ZFR: variants seen among roughly 807,000 people sequenced by gnomAD.
The protein encoded by ZFR is zinc finger RNA-binding protein.
Under a neutral mutation model 130.7 loss-of-function variants are expected in ZFR, and 19 were observed. The observed-to-expected ratio is 0.15, with a 90% CI of 0.10 to 0.21. The LOEUF (loss-of-function observed/expected upper bound fraction) is 0.21, where lower values mean the gene tolerates loss of function less well. Ranked by LOEUF, ZFR falls within the 10% of genes least tolerant of loss-of-function variation. ZFR has a pLI of 1.00. For missense variants in ZFR, 872 were observed against 1,321.5 expected, an observed-to-expected ratio of 0.66 and a Z score of 5.27; for synonymous variants, 466 against 456.9, an observed-to-expected ratio of 1.02 and a Z score of -0.25.
chr5:32,393,480 ATT>A (rs1223891525), intron 11 of ZFR, among the ~76,000 whole-genome samples: 1 of 152,102 alleles, frequency 6.6e-6, no homozygotes, highest in Non-Finnish European at 1.5e-5. Flanking sequence ...AGTAGCCGGA[ATT>A]ACAGGCATGC....
At chr5:32,417,538 A>G in intron 4 of ZFR, 110 bp downstream of exon 4, 1 of 1,380,316 alleles carries the variant, frequency 7.2e-7, no homozygotes, top group South Asian at 1.3e-5. Flanking sequence ...CTGCCTCCTA[A>G]GATGATGTGA....
chr5:32,398,659 A>C (rs960651164), intron 9 of ZFR, among the ~76,000 whole-genome samples: 1 of 152,184 alleles, frequency 6.6e-6, no homozygotes, highest in Non-Finnish European at 1.5e-5. Context: ...TAAACAAAGA[A>C]TTCAATACAC....
rs749507971 is a variant in ZFR, at chr5:32,385,637, C to G, written c.2512G>C (p.Glu838Gln). The G allele has an allele frequency of 6.2e-7, 1 of 1,613,074 alleles. No homozygotes were observed. The highest frequency in any genetic ancestry group is 8.5e-7 in the Non-Finnish European group (1 of 1,179,382). The change falls in exon 15 of 20, where the codon GAG (glutamate) becomes CAG (glutamine). Residue 838 changes from glutamate (E) to glutamine (Q), a missense_variant. This residue lies in a region of ZFR where 225 missense variants were observed against 282.4 expected (regional missense o/e 0.80). Coordinates refer to ENST00000265069, the MANE Select transcript of ZFR (RefSeq NM_016107.5). ...ACAGCACATTTTATGTCATACTTCT[C>G]AGGGCTTATAACCTGTGTAATGAAG... ...LPKQLAVISP[E>Q]KYDIKCAVSE...
intron 13 of ZFR, 63 bp downstream of exon 13, chr5:32,388,406 A>T: frequency 6.8e-7 from 1 of 1,470,930 alleles, no homozygotes; most frequent in Non-Finnish European, 9.4e-7. Context: ...CTATATTTCA[A>T]ATGTAAGAAG....
At chr5:32,413,167 C>T (rs899491610) in intron 5 of ZFR, among the ~76,000 whole-genome samples, 6 of 150,670 alleles carry the variant, frequency 4.0e-5, no homozygotes, top group African/African-American at 9.8e-5. Context: ...CCAGCCGAGG[C>T]GACAGAGTGA....
chr5:32,356,456 A>G (rs1019033195), intron 19 of ZFR, among the ~76,000 whole-genome samples: 1 of 152,192 alleles, frequency 6.6e-6, no homozygotes, highest in Non-Finnish European at 1.5e-5. Flanking sequence ...TCTGTTGCCC[A>G]GGCTGGAGTG....
At chr5:32,366,378 A>C (rs1752545851) in intron 17 of ZFR, among the ~76,000 whole-genome samples, 1 of 152,230 alleles carries the variant, frequency 6.6e-6, no homozygotes, top group South Asian at 2.1e-4. Flanking sequence ...AATGTGTTTC[A>C]AGTAACTCAA....
intron 5 of ZFR, among the ~76,000 whole-genome samples, chr5:32,413,020 C>T (rs753864873): frequency 8.5e-4 from 130 of 152,180 alleles, no homozygotes; most frequent in South Asian, 1.5e-3. Context: ...GAAACCCTGT[C>T]TCTACTAAAA....
At chr5:32,426,575 C>A (rs955237645) in intron 2 of ZFR, among the ~76,000 whole-genome samples, 1 of 152,134 alleles carries the variant, frequency 6.6e-6, no homozygotes, top group Admixed American at 6.5e-5. Context: ...ACTTAAGTTC[C>A]AGCCAAAGCA....
chr5:32,415,421 T>C (rs779567955), intron 4 of ZFR, among the ~76,000 whole-genome samples: 3 of 151,870 alleles, frequency 2.0e-5, no homozygotes, highest in Non-Finnish European at 2.9e-5. Flanking sequence ...AAATGATTAT[T>C]TTGGCAAAAC....
intron 2 of ZFR, among the ~76,000 whole-genome samples, chr5:32,434,656 G>A (rs1378871010): frequency 1.3e-5 from 2 of 152,116 alleles, no homozygotes; most frequent in Non-Finnish European, 2.9e-5. Flanking sequence ...ACGTGATAGA[G>A]GAAATAATTC....
At chr5:32,406,404 G>T (rs551157378) in intron 6 of ZFR, among the ~76,000 whole-genome samples, 2 of 152,216 alleles carry the variant, frequency 1.3e-5, no homozygotes, top group African/African-American at 4.8e-5. Flanking sequence ...TTAAGTTAAA[G>T]AATTTTGAAT....
At chr5:32,376,553 T>C (rs1201939487) in intron 17 of ZFR, among the ~76,000 whole-genome samples, 1 of 151,330 alleles carries the variant, frequency 6.6e-6, no homozygotes, top group Non-Finnish European at 1.5e-5. Context: ...ATAGCCGTAC[T>C]GTACTACAGC....
intron 11 of ZFR, chr5:32,394,269 AT>A: frequency 6.1e-6 from 1 of 164,656 alleles, no homozygotes; most frequent in Admixed American, 6.5e-5. Flanking sequence ...ATTCAGTATT[AT>A]TTAGTCATAA....
intron 17 of ZFR, among the ~76,000 whole-genome samples, chr5:32,369,802 A>G (rs1285494275): frequency 6.6e-6 from 1 of 151,890 alleles, no homozygotes; most frequent in East Asian, 1.9e-4. Context: ...ACAGAGTGAA[A>G]CTCTGTCTTA....
chr5:32,410,283 CAAAAAAAAAAAAAAA>C (rs3065266), intron 5 of ZFR, among the ~76,000 whole-genome samples: 51 of 113,094 alleles, frequency 4.5e-4, no homozygotes, highest in African/African-American at 1.3e-3. Context: ...ACACTGTCTC[CAAAAAAAAAAAAAAA>C]AAAAAAAAAA....
intron 11 of ZFR, among the ~76,000 whole-genome samples, chr5:32,391,272 T>C (rs996343754): frequency 4.6e-5 from 7 of 152,272 alleles, no homozygotes; most frequent in African/African-American, 1.7e-4. Flanking sequence ...ACATATAGCA[T>C]ATACAGGGTT....
chr5:32,380,650 CTTTT>C (rs55724344), intron 15 of ZFR, among the ~76,000 whole-genome samples: 3 of 97,072 alleles, frequency 3.1e-5, no homozygotes, highest in Non-Finnish European at 6.0e-5. Context: ...ACAGGCATTT[CTTTT>C]TTTTTTTTTT....
At chr5:32,418,956 C>T (rs1337455233) in intron 3 of ZFR, among the ~76,000 whole-genome samples, 1 of 151,972 alleles carries the variant, frequency 6.6e-6, no homozygotes, top group African/African-American at 2.4e-5. Context: ...GAGTAAGAGG[C>T]AACTGGATGA....
Sources: allele counts gnomAD v4.1 joint callset (sites outside exome capture counted in the v4.1 genomes callset), GRCh38; gene constraint gnomAD v4.1.1; regional missense constraint gnomAD v4.1.1; transcripts MANE v1.5; gene names NCBI Gene and HGNC (gene_info 2026-07-23, HGNC 2026-07-21).